The following MTDH variants were observed in gnomAD, a reference collection of about 807,000 sequenced individuals.
The protein encoded by MTDH is metadherin.
MTDH carries 34 observed loss-of-function variants against 72.7 expected under a neutral mutation model. The ratio of observed to expected loss-of-function variants is 0.47; its 90% CI spans 0.36 to 0.62. The LOEUF (loss-of-function observed/expected upper bound fraction) is 0.62, where lower values mean the gene tolerates loss of function less well. Ranked by LOEUF, MTDH falls within the 20% of genes least tolerant of loss-of-function variation. MTDH has a pLI of 0.00. For missense variants in MTDH, 677 were observed against 699.4 expected (o/e 0.97, Z 0.36); for synonymous variants, 266 against 268.9 (o/e 0.99, Z 0.10).
intron 2 of MTDH, among the ~76,000 whole-genome samples, chr8:97,668,292 A>C (rs1228125515): frequency 1.3e-5 from 2 of 152,156 alleles, no homozygotes; most frequent in African/African-American, 4.8e-5. Flanking sequence ...ATCTCAAAAA[A>C]AAAGAAAAAA....
At chr8:97,649,437 A>G (rs1248953288) in intron 1 of MTDH, among the ~76,000 whole-genome samples, 1 of 152,164 alleles carries the variant, frequency 6.6e-6, no homozygotes, top group Non-Finnish European at 1.5e-5. Context: ...TCCTTTCAGT[A>G]GTTTCCCCAT....
In MTDH at chr8:97,727,807, A is replaced by AG. The variant is rs1815417529; in HGVS notation, c.*3141dup. ...ACTCTGAGGCAGGGTGTAGTGGTTT[A>AG]GGGGTTTCTCCAGACTGGAATCCTA... On this transcript the variant is annotated 3_prime_UTR_variant, in exon 12 of 12. Coordinates refer to ENST00000336273, the MANE Select transcript of MTDH (RefSeq NM_178812.4). The AG allele has an allele frequency of 6.6e-6, 1 of 152,154 alleles. No homozygotes were observed. Among genetic ancestry groups the AG allele is most frequent in the Non-Finnish European group, 1.5e-5 (1 of 68,034 alleles). The allele number at this position is 152,154 out of a possible 1,614,324, so 9.4% of individuals were successfully genotyped here. A position where few individuals can be genotyped will look rare whatever the true frequency, so the allele number is the denominator to read the frequency against.
chr8:97,680,572 A>G (rs1813029911), intron 2 of MTDH, among the ~76,000 whole-genome samples: 1 of 152,182 alleles, frequency 6.6e-6, no homozygotes, highest in African/African-American at 2.4e-5. Flanking sequence ...TTTTTTTCTA[A>G]TGGGACTATA....
intron 9 of MTDH, among the ~76,000 whole-genome samples, chr8:97,715,866 CAT>C (rs1463491701): frequency 7.2e-5 from 11 of 152,290 alleles, no homozygotes; most frequent in South Asian, 2.1e-4. Flanking sequence ...AGGTCATTAA[CAT>C]GTGACTGTTT....
intron 8 of MTDH, among the ~76,000 whole-genome samples, chr8:97,710,710 A>G (rs1363076447): frequency 3.1e-5 from 4 of 128,932 alleles, no homozygotes; most frequent in Non-Finnish European, 6.4e-5. Flanking sequence ...AAAAAAAAAA[A>G]TAGATAAGGC....
At chr8:97,680,466 T>A (rs776661536) in intron 2 of MTDH, among the ~76,000 whole-genome samples, 3 of 152,220 alleles carry the variant, frequency 2.0e-5, no homozygotes, top group African/African-American at 7.2e-5. Context: ...GTCATTTAAC[T>A]CATTCCTCTT....
rs1375674027 is a variant in MTDH at position 97,657,530 on chromosome 8, G to C, written c.382-3542G>C. 2.6e-5 allele frequency among the ~76,000 whole-genome samples: 4 copies of C among 151,794 alleles called. No homozygotes were observed. The East Asian group carries it at 7.7e-4, about 29-fold the overall frequency. The stretch of plus-strand genomic sequence containing the variant: ...TTTTTTTTTCTTTTCTTGAGACAGG[G>C]TCTCACTTTTTTGCCCAGGCTAGAG... On this transcript the variant is annotated intron_variant, in intron 1 of 11. Transcript: ENST00000336273.
In MTDH at chr8:97,701,242, A is replaced by AC. The variant is rs34366263; in HGVS notation, c.1147+1396dup. On this transcript the variant is annotated intron_variant, in intron 7 of 11. Coordinates refer to ENST00000336273, the MANE Select transcript of MTDH (RefSeq NM_178812.4). ...GTATCCATGGGGGGTTGATTCCAGG[A>AC]CCCCCCTCAGGTACCAAAATCCCCA... Among the ~76,000 whole-genome samples the AC allele has an allele frequency of 1.9e-3, 293 of 151,930 alleles. 1 individual carries two copies. Among genetic ancestry groups the AC allele is most frequent in the South Asian group, 6.9e-3 (33 of 4,808 alleles).
In MTDH at chr8:97,724,822, C is replaced by A; in HGVS notation, c.*152C>A. 3.8e-6 allele frequency: 2 copies of A among 526,168 alleles called. No individual in the cohort carries two copies. Among genetic ancestry groups the A allele is most frequent in the Non-Finnish European group, 6.5e-6 (2 of 308,760 alleles). 32.6% of individuals were successfully genotyped at this position (526,168 alleles called of 1,614,324 possible). A position where few individuals can be genotyped will look rare whatever the true frequency, so the allele number is the denominator to read the frequency against. On this transcript the variant is annotated 3_prime_UTR_variant, in exon 12 of 12. Transcript: ENST00000336273. ...GCGGACACCACCATAAAAATGGAAT[C>A]AAAAGAAAGTTAATTTATGAAATTA...
Position 97,668,005 on chromosome 8 carries a change from C to T in MTDH, c.483+6832C>T, listed in dbSNP as rs146773261. 7.7e-3 allele frequency among the ~76,000 whole-genome samples: 1,170 copies of T among 151,720 alleles called. 15 individuals are homozygous for T. The highest frequency in any genetic ancestry group is 0.026 in the African/African-American group (1,095 of 41,412). On this transcript the variant is annotated intron_variant, in intron 2 of 11. Transcript: ENST00000336273. Reference sequence around the variant, plus strand: ...ATGTTTTAACATTTTGGAAGATCTACCGCCAGGCGCGGTGGCTCACGCCTG... The same window carrying T: ...ATGTTTTAACATTTTGGAAGATCTATCGCCAGGCGCGGTGGCTCACGCCTG...
At chr8:97,683,169 A>G (rs1304766803) in intron 2 of MTDH, among the ~76,000 whole-genome samples, 2 of 142,506 alleles carry the variant, frequency 1.4e-5, no homozygotes, top group Non-Finnish European at 3.0e-5. Context: ...GATTCAAGCG[A>G]TTCTACTGCC....
At chr8:97,680,639 A>G (rs1813032227) in intron 2 of MTDH, among the ~76,000 whole-genome samples, 2 of 152,248 alleles carry the variant, frequency 1.3e-5, no homozygotes. Flanking sequence ...GAAAGAAGAC[A>G]TAATGTGAAA....
In MTDH at chr8:97,687,568, A is replaced by C. The variant is rs1563546629; in HGVS notation, c.708A>C (p.Thr236=). 1 of 1,611,828 alleles carries C rather than the reference A, an allele frequency of 6.2e-7. No homozygotes were observed. The highest frequency in any genetic ancestry group is 1.7e-4 in the Middle Eastern group (1 of 6,050). Residue 236 remains threonine, a synonymous_variant, in exon 4 of 12, where the codon ACA becomes ACC. Coordinates refer to ENST00000336273, the MANE Select transcript of MTDH (RefSeq NM_178812.4). ...NTITVTTEQL[T]TASFPVGSKK... Reference sequence around the variant, plus strand: ...TCACAGTTACCACCGAGCAACTTACAACCGCATCATTTCCTGTTGGTTCCA... The same window carrying C: ...TCACAGTTACCACCGAGCAACTTACCACCGCATCATTTCCTGTTGGTTCCA...
intron 5 of MTDH, among the ~76,000 whole-genome samples, chr8:97,690,700 C>T (rs1229871076): frequency 6.6e-6 from 1 of 152,092 alleles, no homozygotes; most frequent in Non-Finnish European, 1.5e-5. Flanking sequence ...GGTGAGTATT[C>T]AGAATATGTG....
rs1811577360 is a variant in MTDH at position 97,646,699 on chromosome 8, G to A, written c.381+1812G>A. 2.0e-5 allele frequency among the ~76,000 whole-genome samples: 3 copies of A among 152,198 alleles called. 1 individual carries two copies. The South Asian group carries it at 6.2e-4, about 31-fold the overall frequency. ...ACATTACTGTGAAAAATGCTCAGTAGACTTAAAAGACTTACCCCCTCATTT... is the reference window on the plus strand; with the variant it reads ...ACATTACTGTGAAAAATGCTCAGTAAACTTAAAAGACTTACCCCCTCATTT... On this transcript the variant is annotated intron_variant, in intron 1 of 11. Transcript: ENST00000336273.
chr8:97,648,082 C>T (rs537972881), intron 1 of MTDH, among the ~76,000 whole-genome samples: 3 of 152,154 alleles, frequency 2.0e-5, no homozygotes, highest in Admixed American at 6.5e-5. Flanking sequence ...TAAATAGTGG[C>T]GAAATCTGTA....
intron 8 of MTDH, among the ~76,000 whole-genome samples, chr8:97,711,003 AAAAT>A (rs145968631): frequency 0.032 from 4,847 of 152,170 alleles, 269 homozygotes; most frequent in African/African-American, 0.11. Context: ...CCATCTCAAA[AAAAT>A]AAATAGATAG....
At chr8:97,697,150 A>ATTTTTTTTT (rs59102217) in intron 6 of MTDH, among the ~76,000 whole-genome samples, 59 of 68,608 alleles carry the variant, frequency 8.6e-4, no homozygotes, top group South Asian at 2.4e-3. Flanking sequence ...ATATATATAT[A>ATTTTTTTTT]TTTTTTTTTT....
chr8:97,667,185 A>G (rs553958978), intron 2 of MTDH, among the ~76,000 whole-genome samples: 4 of 152,152 alleles, frequency 2.6e-5, no homozygotes, highest in African/African-American at 4.8e-5. Flanking sequence ...CTGTCTTACC[A>G]TGTTGCCCAG....
Sources: gnomAD v4.1 joint callset for allele counts (sites outside exome capture counted in the v4.1 genomes callset) on GRCh38, gnomAD v4.1.1 for gene constraint, MANE v1.5 for transcripts, NCBI Gene and HGNC (gene_info 2026-07-23, HGNC 2026-07-21) for gene names.